The following SBF2 variants were observed in gnomAD, a reference collection of about 807,000 sequenced individuals.
SBF2 encodes the protein myotubularin-related protein 13.
In SBF2, 112 loss-of-function variants were observed where a neutral mutation model predicts 225.2. The ratio of observed to expected loss-of-function variants is 0.50; its 90% CI spans 0.43 to 0.58. The LOEUF (loss-of-function observed/expected upper bound fraction) is 0.58, where lower values mean the gene tolerates loss of function less well. Among genes scored for constraint, SBF2 ranks in the 20% least tolerant of loss-of-function variants. SBF2 has a pLI of 0.00. For missense variants in SBF2, 1,996 were observed against 2,206.2 expected (o/e 0.90, Z 1.91); for synonymous variants, 763 against 773.3 (o/e 0.99, Z 0.22).
chr11:10,059,127 G>A (rs1279623469), intron 2 of SBF2, among the ~76,000 whole-genome samples: 1 of 152,078 alleles, frequency 6.6e-6, no homozygotes, highest in African/African-American at 2.4e-5. Context: ...CCAGCTAACA[G>A]TACAATGACA....
intron 16 of SBF2, among the ~76,000 whole-genome samples, chr11:9,909,028 C>G (rs971232548): frequency 2.1e-4 from 32 of 152,102 alleles, no homozygotes; most frequent in African/African-American, 7.2e-4. Flanking sequence ...ACTGCATATC[C>G]TCCCTAATTA....
intron 28 of SBF2, among the ~76,000 whole-genome samples, chr11:9,827,614 T>C (rs770150302): frequency 5.7e-4 from 87 of 152,076 alleles, no homozygotes; most frequent in Admixed American, 3.1e-3. Context: ...GAGAACAAAG[T>C]GGATGACCTT....
At chr11:9,987,629 C>T (rs117290776) in intron 13 of SBF2, among the ~76,000 whole-genome samples, 4,983 of 152,112 alleles carry the variant, frequency 0.033, 306 homozygotes, top group East Asian at 0.18. Context: ...CCAACAGCGA[C>T]CAAGCAGAGA....
chr11:10,043,726 C>T (rs950776286), intron 2 of SBF2, among the ~76,000 whole-genome samples: 1 of 152,010 alleles, frequency 6.6e-6, no homozygotes, highest in East Asian at 1.9e-4. Flanking sequence ...AGGTGCCTAC[C>T]AGTATATCTG....
chr11:10,063,207 A>G (rs1408182102), intron 2 of SBF2, among the ~76,000 whole-genome samples: 1 of 152,026 alleles, frequency 6.6e-6, no homozygotes, highest in Non-Finnish European at 1.5e-5. Context: ...AACAGAAAAG[A>G]TAACTATTGG....
chr11:10,079,339 A>C (rs192498445), intron 2 of SBF2, among the ~76,000 whole-genome samples: 74 of 152,332 alleles, frequency 4.9e-4, no homozygotes, highest in African/African-American at 1.7e-3. Context: ...CAGTATCTAC[A>C]TTTACAGGAT....
intron 2 of SBF2, among the ~76,000 whole-genome samples, chr11:10,080,739 T>C (rs568072633): frequency 6.6e-6 from 1 of 152,096 alleles, no homozygotes; most frequent in Non-Finnish European, 1.5e-5. Flanking sequence ...CATAAAGACA[T>C]GTACAGACTG....
chr11:10,073,325 A>C (rs1342702107), intron 2 of SBF2, among the ~76,000 whole-genome samples: 1 of 152,160 alleles, frequency 6.6e-6, no homozygotes, highest in Non-Finnish European at 1.5e-5. Flanking sequence ...AAATTATTAA[A>C]ATTTTCAAAT....
Position 9,781,499 on chromosome 11 carries a change from C to G in SBF2, c.5451+8G>C, listed in dbSNP as rs948210964. 36 of 1,613,976 alleles carry G rather than the reference C, an allele frequency of 2.2e-5. No individual in the cohort carries two copies. The highest frequency in any genetic ancestry group is 3.1e-5 in the Non-Finnish European group (36 of 1,179,974). On this transcript the variant is annotated splice_region_variant and intron_variant, in intron 39 of 39. Transcript: ENST00000256190. ...AGAGCCAGGAAAAGAGAAGTAAGAT[C>G]AACTTACATCAAAGAAAGCCTTGTC...
At chr11:9,868,274 C>G (rs1858400372) in intron 17 of SBF2, among the ~76,000 whole-genome samples, 1 of 133,046 alleles carries the variant, frequency 7.5e-6, no homozygotes, top group Non-Finnish European at 1.5e-5. Flanking sequence ...GTGGGTGGAT[C>G]ATGAGGTCAG....
In SBF2 at chr11:9,817,007, G is replaced by A. The variant is rs765001700; in HGVS notation, c.3811C>T (p.Arg1271Cys). 55 of 1,613,988 alleles carry A rather than the reference G, an allele frequency of 3.4e-5. No homozygotes were observed. Among genetic ancestry groups the A allele is most frequent in the Non-Finnish European group, 4.3e-5 (51 of 1,180,024 alleles). ...GAGCTGATCAAGCGAGTGCTAGAGC[G>A]AAGACTTGCCCACACACCTTCACAA... ...ALSPGVWASL[R>C]SSTRLISSPT... The change falls in exon 29 of 40, where the codon CGC becomes TGC. Residue 1271 changes from arginine (R) to cysteine (C), a missense_variant. Coordinates refer to ENST00000256190, the MANE Select transcript of SBF2 (RefSeq NM_030962.4).
At chr11:10,258,776 CA>C (rs1270864611) in intron 1 of SBF2, among the ~76,000 whole-genome samples, 9 of 151,786 alleles carry the variant, frequency 5.9e-5, no homozygotes, top group Non-Finnish European at 1.0e-4. Flanking sequence ...TAGTCTGCCT[CA>C]AAAAGATTAG....
chr11:9,854,880 C>T (rs1857202991), intron 19 of SBF2, among the ~76,000 whole-genome samples: 1 of 152,132 alleles, frequency 6.6e-6, no homozygotes, highest in African/African-American at 2.4e-5. Flanking sequence ...GTAGTCAGCC[C>T]CATGCCTGGT....
intron 9 of SBF2, among the ~76,000 whole-genome samples, chr11:9,994,572 A>G (rs1423664542): frequency 6.9e-6 from 1 of 144,694 alleles, no homozygotes; most frequent in Non-Finnish European, 1.5e-5. Flanking sequence ...AAATCTATAT[A>G]TGTACATATA....
chr11:9,891,892 T>C (rs140332309), intron 17 of SBF2, among the ~76,000 whole-genome samples: 9 of 152,270 alleles, frequency 5.9e-5, no homozygotes, highest in African/African-American at 2.2e-4. Flanking sequence ...CTCTAAAAGA[T>C]AAACATAACC....
intron 16 of SBF2, among the ~76,000 whole-genome samples, chr11:9,939,700 A>G (rs1361991293): frequency 3.9e-5 from 6 of 152,212 alleles, no homozygotes; most frequent in Non-Finnish European, 4.4e-5. Context: ...GCTGGTGGAG[A>G]TATGAAACAT....
intron 1 of SBF2, among the ~76,000 whole-genome samples, chr11:10,241,087 A>G (rs377256186): frequency 5.3e-5 from 8 of 152,244 alleles, no homozygotes; most frequent in African/African-American, 1.9e-4. Flanking sequence ...GCGGTAGCTC[A>G]TGCCTGTAAT....
At chr11:9,805,745 C>T (rs1243455018) in intron 32 of SBF2, among the ~76,000 whole-genome samples, 1 of 152,176 alleles carries the variant, frequency 6.6e-6, no homozygotes, top group Admixed American at 6.5e-5. Context: ...GCTTCAGCCT[C>T]CCAAGTAGCT....
At chr11:10,036,474 A>T (rs1309814137) in intron 3 of SBF2, among the ~76,000 whole-genome samples, 1 of 152,208 alleles carries the variant, frequency 6.6e-6, no homozygotes, top group African/African-American at 2.4e-5. Flanking sequence ...GCGGGACATA[A>T]TTTAAAGTAT....
Sources: allele counts gnomAD v4.1 joint callset (sites outside exome capture counted in the v4.1 genomes callset), GRCh38; gene constraint gnomAD v4.1.1; transcripts MANE v1.5; gene names NCBI Gene and HGNC (gene_info 2026-07-23, HGNC 2026-07-21).